The following USP42 variants were observed in gnomAD, a reference collection of about 807,000 sequenced individuals.
USP42 encodes ubiquitin carboxyl-terminal hydrolase 42.
Under a neutral mutation model 113.0 loss-of-function variants are expected in USP42, and 23 were observed. The observed-to-expected ratio is 0.20, with a 90% CI of 0.15 to 0.29. The LOEUF (loss-of-function observed/expected upper bound fraction) is 0.29. Ranked by LOEUF, USP42 falls within the 10% of genes least tolerant of loss-of-function variation. The pLI, the probability that USP42 is intolerant of heterozygous loss-of-function variation, is 1.00. For missense variants in USP42, 2,174 were observed against 1,779.8 expected, an observed-to-expected ratio of 1.22 and a Z score of -3.99; for synonymous variants, 933 against 699.0, an observed-to-expected ratio of 1.33 and a Z score of -5.28.
chr7:6,157,388 T>G lies in USP42; in HGVS notation c.3943+333T>G, dbSNP rs1336758992. 5 of 999,208 alleles carry G rather than the reference T, an allele frequency of 5.0e-6. No individual in the cohort carries two copies. In the African/African-American group the frequency reaches 6.9e-5, roughly 14 times the overall value. The allele number at this position is 999,208 out of a possible 1,614,324, so 61.9% of individuals were successfully genotyped here. A position where few individuals can be genotyped will look rare whatever the true frequency, so the allele number is the denominator to read the frequency against. ...CTCTTGGTTTGGTTTGGTTTTATTT[T>G]ATTTTATTTTATTTATTTTATTTTT... On this transcript the variant is annotated intron_variant, in intron 16 of 17. Coordinates refer to ENST00000306177, the MANE Select transcript of USP42 (RefSeq NM_032172.3). The surrounding 1 kb of genome is among the most constrained non-coding windows in gnomAD (Gnocchi z 4.1).
Position 6,148,005 on chromosome 7 carries a change from C to G in USP42, c.1386+113C>G, listed in dbSNP as rs574979910. ...GTCCTCAAATACATCTGAATTTCTT[C>G]TCACAGTTTAATCAAACCCTCTTAC... On this transcript the variant is annotated intron_variant, in intron 12 of 17. Transcript: ENST00000306177. 6.0e-6 allele frequency: 7 copies of G among 1,171,672 alleles called. No homozygotes were observed. In the Admixed American group the frequency reaches 8.9e-5, roughly 15 times the overall value. The allele number at this position is 1,171,672 out of a possible 1,614,324, so 72.6% of individuals were successfully genotyped here.
At position 6,154,420 on chromosome 7, in the gene USP42, C is replaced by A; in HGVS notation, c.2866C>A (p.Arg956=). ...RKVDRGHYRS[R]RERSSSGEPA... is the part of the protein sequence containing the mutation. ...GGTGGACCGAGGCCACTACCGCAGC[C>A]GGAGAGAGCGCTCGTCCAGCGGGGA... Residue 956 remains arginine (R), a synonymous_variant, in exon 15 of 18, where the codon CGG becomes AGG. Coordinates refer to ENST00000306177, the MANE Select transcript of USP42 (RefSeq NM_032172.3). 1 of 1,575,388 alleles carries A rather than the reference C, an allele frequency of 6.3e-7. No individual in the cohort carries two copies. Among genetic ancestry groups the A allele is most frequent in the South Asian group, 1.2e-5 (1 of 85,860 alleles).
intron 3 of USP42, among the ~76,000 whole-genome samples, chr7:6,135,577 G>A (rs886703997): frequency 1.7e-4 from 25 of 149,684 alleles, no homozygotes; most frequent in African/African-American, 6.2e-4. Context: ...CTTGGACCCG[G>A]GGAGGCCGAG....
intron 15 of USP42, among the ~76,000 whole-genome samples, chr7:6,156,531 C>T (rs1204633772): frequency 6.6e-6 from 1 of 152,158 alleles, no homozygotes; most frequent in East Asian, 1.9e-4. Flanking sequence ...CTCACTGCAG[C>T]CTCAATCTCC....
intron 14 of USP42, 81 bp downstream of exon 14, chr7:6,150,587 G>C (rs1781988300): frequency 1.7e-6 from 2 of 1,187,394 alleles, no homozygotes; most frequent in Non-Finnish European, 2.5e-6. Context: ...GTATTTGAAT[G>C]CTGTAGAAAT....
chr7:6,099,211 CTTT>C, the USP42 span, among the ~76,000 whole-genome samples: 5 of 98,802 alleles, frequency 5.1e-5, no homozygotes, highest in African/African-American at 1.3e-4. Context: ...TGTTCCCTCT[CTTT>C]TTTTTTTTTT....
At chr7:6,084,436 G>C in the USP42 span, 1 of 151,346 alleles carries the variant, frequency 6.6e-6, no homozygotes, top group Non-Finnish European at 1.5e-5. Context: ...TAGGAGGCTT[G>C]ACTCAACCTG....
At position 6,159,153 on chromosome 7, in the gene USP42, C is replaced by T. The variant is rs1473618224; in HGVS notation, c.3944-297C>T. Reference sequence around the variant, plus strand: ...CCTTGTCTTTCTCTTTCAAACTCCTCCTCTGGCTCTGTTCCGCCCAGTTCA... The same window carrying T: ...CCTTGTCTTTCTCTTTCAAACTCCTTCTCTGGCTCTGTTCCGCCCAGTTCA... On this transcript the variant is annotated intron_variant, in intron 16 of 17. Coordinates refer to ENST00000306177, the MANE Select transcript of USP42 (RefSeq NM_032172.3). This position sits in a 1 kb window ranked among gnomAD's most constrained non-coding sequence, Gnocchi z 4.1. Among the ~76,000 whole-genome samples the T allele has an allele frequency of 6.6e-6, 1 of 152,206 alleles. No individual in the cohort carries two copies. The highest frequency in any genetic ancestry group is 2.4e-5 in the African/African-American group (1 of 41,450).
At chr7:6,092,075 C>CTTT in the USP42 span, among the ~76,000 whole-genome samples, 4 of 41,482 alleles carry the variant, frequency 9.6e-5, no homozygotes, top group Non-Finnish European at 1.9e-4. Flanking sequence ...TCTTCTTCTT[C>CTTT]CTCTTCCTCT....
chr7:6,089,539 T>C, the USP42 span, among the ~76,000 whole-genome samples: 1 of 148,206 alleles, frequency 6.7e-6, no homozygotes, highest in Non-Finnish European at 1.5e-5. Context: ...ACTTTCTCTT[T>C]TTTTTTTTTT....
At chr7:6,082,745 G>T in the USP42 span, among the ~76,000 whole-genome samples, 3 of 147,830 alleles carry the variant, frequency 2.0e-5, no homozygotes, top group East Asian at 5.9e-4. Flanking sequence ...GTAGTAGCTG[G>T]GACCACAGGT....
At chr7:6,131,586 T>C (rs1161245386) in intron 3 of USP42, among the ~76,000 whole-genome samples, 3 of 152,176 alleles carry the variant, frequency 2.0e-5, no homozygotes, top group Non-Finnish European at 4.4e-5. Context: ...GGCTGCCCCT[T>C]CCTCATCCTT....
At chr7:6,105,585 C>G (rs1242102149) in intron 1 of USP42, among the ~76,000 whole-genome samples, 2 of 152,002 alleles carry the variant, frequency 1.3e-5, no homozygotes, top group Admixed American at 6.5e-5. Context: ...ACCTTGGGCG[C>G]CCCCTCCCCA....
chr7:6,103,103 A>G (rs1790179426), upstream of USP42, among the ~76,000 whole-genome samples: 1 of 150,992 alleles, frequency 6.6e-6, no homozygotes, highest in Non-Finnish European at 1.5e-5. Context: ...AGGGAGAAGC[A>G]GGCTCATGGT....
intron 9 of USP42, among the ~76,000 whole-genome samples, chr7:6,144,956 C>T (rs79005205): frequency 0.01 from 1,555 of 152,246 alleles, 28 homozygotes; most frequent in African/African-American, 0.035. Context: ...TAGATCCTGA[C>T]TTGTTAAAAG....
In USP42 at chr7:6,139,838, G is replaced by A. The variant is rs1051681061; in HGVS notation, c.657-290G>A. The A allele has an allele frequency of 3.7e-5, 18 of 482,514 alleles. No individual in the cohort carries two copies. The highest frequency in any genetic ancestry group is 6.0e-5 in the Non-Finnish European group (16 of 266,862). 29.9% of individuals were successfully genotyped at this position (482,514 alleles called of 1,614,324 possible). A position where few individuals can be genotyped will look rare whatever the true frequency, so the allele number is the denominator to read the frequency against. ...TCCCACACAGGCCGCAGTGCCCGGA[G>A]GCTGCCATCTTCCTGCTTCAGGACC... On this transcript the variant is annotated intron_variant, in intron 5 of 17. Transcript: ENST00000306177. The surrounding 1 kb of genome is among the most constrained non-coding windows in gnomAD (Gnocchi z 4.5).
Position 6,154,004 on chromosome 7 carries a change from A to G in USP42, c.2450A>G (p.Asp817Gly). Reference protein sequence around the residue: ...EDIVGDTAPPDLCDPGSLTGD... With the variant: ...EDIVGDTAPPGLCDPGSLTGD... ...ATCGTGGGGGACACAGCACCCCCTG[A>G]CCTGTGTGATCCCGGGAGCTTAACA... The change falls in exon 15 of 18, where the codon GAC becomes GGC. Residue 817 changes from aspartate (D) to glycine (G), a missense_variant. Asp to Gly is a moderately conservative substitution (Grantham distance 94, BLOSUM62 -1). Transcript: ENST00000306177. 6.2e-7 allele frequency: 1 copy of G among 1,603,420 alleles called. No homozygotes were observed. Among genetic ancestry groups the G allele is most frequent in the Non-Finnish European group, 8.5e-7 (1 of 1,178,862 alleles).
chr7:6,085,973 C>T, the USP42 span, among the ~76,000 whole-genome samples: 1 of 150,818 alleles, frequency 6.6e-6, no homozygotes, highest in African/African-American at 2.5e-5. Context: ...ACCTCAATGC[C>T]ACCACAGACA....
chr7:6,150,184 C>G lies in USP42; in HGVS notation c.1988C>G (p.Ala663Gly). Residue 663 changes from alanine to glycine, a missense_variant, in exon 13 of 18, where the codon GCA (alanine) becomes GGA (glycine). Ala to Gly is a moderately conservative substitution (Grantham distance 60). Coordinates refer to ENST00000306177, the MANE Select transcript of USP42 (RefSeq NM_032172.3). ...ATGACCCTAAACGGTGCTAATAGTG[C>G]AGACAGCGACAGTGACCCGAAAGAA... ...EPMTLNGANS[A>G]DSDSDPKENG... 1.2e-6 allele frequency: 2 copies of G among 1,613,932 alleles called. No homozygotes were observed. Among genetic ancestry groups the G allele is most frequent in the Non-Finnish European group, 1.7e-6 (2 of 1,179,892 alleles).
Sources: allele counts gnomAD v4.1 joint callset (sites outside exome capture counted in the v4.1 genomes callset), GRCh38; gene constraint gnomAD v4.1.1; non-coding constraint Gnocchi (gnomAD v3.1); transcripts MANE v1.5; gene names NCBI Gene and HGNC (gene_info 2026-07-23, HGNC 2026-07-21).